Variants in GRIK2 observed in about 807,000 individuals in gnomAD.
GRIK2 encodes glutamate receptor ionotropic, kainate 2.
A neutral mutation model predicts 100.3 loss-of-function variants in GRIK2; 32 were observed. The observed-to-expected ratio is 0.32, with a 90% CI of 0.24 to 0.43. The LOEUF (loss-of-function observed/expected upper bound fraction) is 0.43. GRIK2 is among the 20% of genes least tolerant of loss of function. The pLI, the probability that GRIK2 is intolerant of heterozygous loss-of-function variation, is 1.00. For synonymous variants in GRIK2, 417 were observed against 389.4 expected (o/e 1.07, Z -0.83); for missense variants, 843 against 1,114.9 (o/e 0.76, Z 3.47).
At chr6:101,812,696 C>G (rs1042925913) in intron 9 of GRIK2, among the ~76,000 whole-genome samples, 1 of 151,916 alleles carries the variant, frequency 6.6e-6, no homozygotes, top group Non-Finnish European at 1.5e-5. Flanking sequence ...TAATATGATA[C>G]TTATTGTAGT....
chr6:101,572,170 C>A (rs1387479827), intron 2 of GRIK2, among the ~76,000 whole-genome samples: 1 of 152,034 alleles, frequency 6.6e-6, no homozygotes, highest in African/African-American at 2.4e-5. Context: ...AAAATTCTTA[C>A]ACAGATATTA....
intron 10 of GRIK2, among the ~76,000 whole-genome samples, chr6:101,838,336 G>A (rs1387213349): frequency 6.6e-6 from 1 of 152,036 alleles, no homozygotes; most frequent in Non-Finnish European, 1.5e-5. Context: ...TGTTATAGAG[G>A]CCACAGCCAT....
At chr6:101,948,573 A>C (rs1300340524) in intron 14 of GRIK2, among the ~76,000 whole-genome samples, 1 of 149,218 alleles carries the variant, frequency 6.7e-6, no homozygotes, top group Non-Finnish European at 1.5e-5. Context: ...ACATACACAC[A>C]TATATATGAT....
At chr6:101,639,277 G>A (rs181552344) in intron 4 of GRIK2, among the ~76,000 whole-genome samples, 3 of 152,056 alleles carry the variant, frequency 2.0e-5, no homozygotes, top group African/African-American at 7.2e-5. Flanking sequence ...CAAGTGATCT[G>A]CCCTCCTCGG....
intron 10 of GRIK2, among the ~76,000 whole-genome samples, chr6:101,842,657 C>CA (rs1783584989): frequency 6.6e-6 from 1 of 152,068 alleles, no homozygotes; most frequent in African/African-American, 2.4e-5. Context: ...AAGTTAAACT[C>CA]ACTATTCATT....
chr6:101,912,276 A>C (rs996880619), intron 12 of GRIK2, among the ~76,000 whole-genome samples: 4 of 151,492 alleles, frequency 2.6e-5, no homozygotes, highest in Non-Finnish European at 5.9e-5. Flanking sequence ...AATCAGAGGA[A>C]GAGCAGAACC....
intron 5 of GRIK2, among the ~76,000 whole-genome samples, chr6:101,681,220 G>A (rs1481410465): frequency 6.6e-6 from 1 of 151,932 alleles, no homozygotes; most frequent in African/African-American, 2.4e-5. Context: ...ATTACATCAG[G>A]GTAAATGGGA....
At chr6:101,555,400 A>G (rs987392174) in intron 2 of GRIK2, among the ~76,000 whole-genome samples, 31 of 152,198 alleles carry the variant, frequency 2.0e-4, no homozygotes, top group African/African-American at 6.5e-4. Context: ...CTTGATTTTC[A>G]GAAAACATCT....
At chr6:102,065,970 C>T in intron 16 of GRIK2, 1 of 1,143,138 alleles carries the variant, frequency 8.7e-7, no homozygotes, top group Non-Finnish European at 1.2e-6. Context: ...CATATACTGG[C>T]TGTCAGGTGC....
Position 101,705,386 on chromosome 6 carries a change from T to C in GRIK2, c.951+19033T>C, listed in dbSNP as rs562605543. ...CTACAAAAATACCAAAAGTTTACCATATTTATTGCTAAGATGCAGGTATAC... is the reference window on the plus strand; with the variant it reads ...CTACAAAAATACCAAAAGTTTACCACATTTATTGCTAAGATGCAGGTATAC... On this transcript the variant is annotated intron_variant, in intron 7 of 16. Coordinates refer to ENST00000369134, the MANE Select transcript of GRIK2 (RefSeq NM_021956.5). 4.0e-5 allele frequency among the ~76,000 whole-genome samples: 6 copies of C among 151,886 alleles called. No individual in the cohort carries two copies. In the South Asian group the frequency reaches 1.2e-3, roughly 31 times the overall value.
chr6:101,812,575 C>T lies in GRIK2; in HGVS notation c.1204-5795C>T, dbSNP rs376214318. ...GTTCAGAGATCTCACATATAAAGCC[C>T]GTAGGATGTCCTATATTCAAAGGCC... On this transcript the variant is annotated intron_variant, in intron 9 of 16. Coordinates refer to ENST00000369134, the MANE Select transcript of GRIK2 (RefSeq NM_021956.5). Among the ~76,000 whole-genome samples the T allele has an allele frequency of 1.3e-4, 20 of 151,700 alleles. No homozygotes were observed. In the South Asian group the frequency reaches 2.9e-3, roughly 22 times the overall value.
intron 11 of GRIK2, among the ~76,000 whole-genome samples, chr6:101,869,313 C>G (rs937971852): frequency 1.3e-5 from 2 of 151,818 alleles, no homozygotes; most frequent in African/African-American, 2.4e-5. Flanking sequence ...GAAAATAGAT[C>G]TAGTTTTCTC....
rs570005654 is a variant in GRIK2 at position 101,398,409 on chromosome 6, A to G, written c.-293-576A>G. Among the ~76,000 whole-genome samples the G allele has an allele frequency of 2.0e-5, 3 of 152,328 alleles. No individual in the cohort carries two copies. In the South Asian group the frequency reaches 6.2e-4, roughly 32 times the overall value. On this transcript the variant is annotated intron_variant, in intron 1 of 16. Coordinates refer to ENST00000369134, the MANE Select transcript of GRIK2 (RefSeq NM_021956.5). ...TAGCAATCAAGGAATACCCCAGTCA[A>G]GTTTTTAAAGAGTGGGTTTACCTCT... is the stretch of plus-strand genomic sequence containing the variant.
chr6:101,557,364 T>C (rs1776797141), intron 2 of GRIK2, among the ~76,000 whole-genome samples: 1 of 152,184 alleles, frequency 6.6e-6, no homozygotes, highest in South Asian at 2.1e-4. Context: ...TTAAGGGCAA[T>C]TTTTAAAAAA....
chr6:101,523,851 C>T (rs927939234), intron 2 of GRIK2, among the ~76,000 whole-genome samples: 3 of 151,712 alleles, frequency 2.0e-5, no homozygotes, highest in African/African-American at 7.3e-5. Flanking sequence ...TCCCAAATAG[C>T]TGGGATTACA....
intron 2 of GRIK2, among the ~76,000 whole-genome samples, chr6:101,557,883 A>G (rs559159404): frequency 6.6e-6 from 1 of 152,186 alleles, no homozygotes; most frequent in East Asian, 1.9e-4. Context: ...CTCTCAGCTT[A>G]TAAATTTGAT....
At chr6:101,725,402 A>T (rs1459575415) in intron 7 of GRIK2, among the ~76,000 whole-genome samples, 1 of 152,052 alleles carries the variant, frequency 6.6e-6, no homozygotes, top group Non-Finnish European at 1.5e-5. Context: ...CCTCCACTGA[A>T]TCTGAATTCA....
intron 7 of GRIK2, among the ~76,000 whole-genome samples, chr6:101,742,124 T>A (rs1281177401): frequency 6.6e-6 from 1 of 152,258 alleles, no homozygotes; most frequent in Non-Finnish European, 1.5e-5. Context: ...TATACTTTTT[T>A]CTATTTTTGG....
At chr6:102,031,868 C>G (rs1274946886) in intron 14 of GRIK2, among the ~76,000 whole-genome samples, 1 of 150,996 alleles carries the variant, frequency 6.6e-6, no homozygotes, top group Admixed American at 6.6e-5. Context: ...AGTAACTTGG[C>G]TCTGTGAAAG....
Sources: gnomAD v4.1 joint callset for allele counts (sites outside exome capture counted in the v4.1 genomes callset) on GRCh38, gnomAD v4.1.1 for gene constraint, MANE v1.5 for transcripts, NCBI Gene and HGNC (gene_info 2026-07-23, HGNC 2026-07-21) for gene names.